Variants in LYZL4 observed in about 807,000 individuals in gnomAD.
LYZL4 encodes the protein lysozyme-like protein 4.
LYZL4 carries 13 observed loss-of-function variants against 17.6 expected under a neutral mutation model. The ratio of observed to expected loss-of-function variants is 0.74; its 90% CI spans 0.48 to 1.18. LYZL4 has a LOEUF of 1.18. LYZL4 is among the 50% of genes most tolerant of loss of function. The pLI is 0.00. For synonymous variants in LYZL4, 64 were observed against 67.7 expected (o/e 0.95, Z 0.27); for missense variants, 174 against 188.2 (o/e 0.92, Z 0.44).
chr3:42,369,690 C>T, the LYZL4 span, among the ~76,000 whole-genome samples: 21 of 152,244 alleles, frequency 1.4e-4, 1 homozygote, highest in Middle Eastern at 3.4e-3. Flanking sequence ...GCTCCCCATC[C>T]GGAGGGGCAA....
chr3:42,398,257 C>A (rs990230897), intron 4 of LYZL4, among the ~76,000 whole-genome samples: 1 of 152,188 alleles, frequency 6.6e-6, no homozygotes, highest in Non-Finnish European at 1.5e-5. Context: ...GCTGACCAAC[C>A]GAGCTTTGGA....
chr3:42,407,392 A>C (rs1698778515), intron 1 of LYZL4, 49 bp from the exon 2 acceptor site: 4 of 1,080,670 alleles, frequency 3.7e-6, no homozygotes, highest in Non-Finnish European at 4.0e-6. Flanking sequence ...GAAAAATGGG[A>C]GTCTCACCTG....
chr3:42,363,190 A>G, the LYZL4 span, among the ~76,000 whole-genome samples: 12 of 152,202 alleles, frequency 7.9e-5, no homozygotes, highest in Admixed American at 5.2e-4. Flanking sequence ...ATAAATAGAC[A>G]TAACCATTGT....
At chr3:42,403,177 C>A (rs1019352287) in intron 4 of LYZL4, among the ~76,000 whole-genome samples, 6 of 151,244 alleles carry the variant, frequency 4.0e-5, no homozygotes, top group African/African-American at 1.5e-4. Flanking sequence ...AATTACAAAA[C>A]AATAGTAATA....
At chr3:42,403,991 T>G in intron 4 of LYZL4, 55 bp downstream of exon 4, 2 of 1,268,752 alleles carry the variant, frequency 1.6e-6, no homozygotes, top group Non-Finnish European at 2.3e-6. Flanking sequence ...AGATTCAGAT[T>G]AGAGATCATG....
At chr3:42,392,594 C>T (rs1327599185), downstream of LYZL4, among the ~76,000 whole-genome samples, 1 of 152,134 alleles carries the variant, frequency 6.6e-6, no homozygotes, top group African/African-American at 2.4e-5. Flanking sequence ...CAGGATTGGG[C>T]AGCCAGGTGA....
chr3:42,402,241 G>A (rs1577153930), intron 4 of LYZL4, among the ~76,000 whole-genome samples: 1 of 151,242 alleles, frequency 6.6e-6, no homozygotes, highest in East Asian at 1.9e-4. Context: ...AGGAGTTCCA[G>A]GCTACAGTGA....
At chr3:42,400,716 C>T (rs766419878) in intron 4 of LYZL4, among the ~76,000 whole-genome samples, 2 of 152,036 alleles carry the variant, frequency 1.3e-5, no homozygotes, top group Non-Finnish European at 2.9e-5. Context: ...GACACTCTTT[C>T]TAGATCTATC....
rs183277265 is a variant in LYZL4 at position 42,405,159 on chromosome 3, C to T, written c.293-1035G>A. 7.9e-3 allele frequency among the ~76,000 whole-genome samples: 1,207 copies of T among 152,286 alleles called. 14 individuals are homozygous for T. The highest frequency in any genetic ancestry group is 0.023 in the African/African-American group (936 of 41,558). On this transcript the variant is annotated intron_variant, in intron 3 of 4. Coordinates refer to ENST00000287748, the MANE Select transcript of LYZL4 (RefSeq NM_144634.4). ...CGCCTCCCAGGTTCACGCCATTCTC[C>T]TGCCTCAGCCTCCCGAGTAGCTGGG...
intron 4 of LYZL4, among the ~76,000 whole-genome samples, chr3:42,397,886 C>G (rs1698582676): frequency 6.6e-6 from 1 of 152,196 alleles, no homozygotes; most frequent in Non-Finnish European, 1.5e-5. Flanking sequence ...TGGTGCCTGT[C>G]AAAGTGATTC....
At chr3:42,367,775 C>T in the LYZL4 span, among the ~76,000 whole-genome samples, 1 of 152,122 alleles carries the variant, frequency 6.6e-6, no homozygotes, top group Non-Finnish European at 1.5e-5. Context: ...GTGCTCGGGA[C>T]AGGGTGAACT....
chr3:42,403,998 C>T (rs867401440), intron 4 of LYZL4, 48 bp downstream of exon 4: 1 of 1,311,794 alleles, frequency 7.6e-7, no homozygotes, highest in Middle Eastern at 1.8e-4. Context: ...GATTAGAGAT[C>T]ATGAGTGAAA....
At chr3:42,384,591 A>G in the LYZL4 span, among the ~76,000 whole-genome samples, 5 of 152,220 alleles carry the variant, frequency 3.3e-5, no homozygotes, top group Admixed American at 3.3e-4. Flanking sequence ...GGTTGAATGA[A>G]TGATAAGTAC....
At chr3:42,361,583 A>T in the LYZL4 span, among the ~76,000 whole-genome samples, 33 of 149,762 alleles carry the variant, frequency 2.2e-4, 1 homozygote, top group Non-Finnish European at 8.9e-5. Flanking sequence ...TTTTTTTTTT[A>T]GCTGGGTGTG....
chr3:42,397,813 A>T (rs1698581274), intron 4 of LYZL4, among the ~76,000 whole-genome samples: 2 of 152,024 alleles, frequency 1.3e-5, no homozygotes, highest in African/African-American at 4.8e-5. Context: ...ACCTTCCAAA[A>T]TTCCTTCCAA....
the LYZL4 span, among the ~76,000 whole-genome samples, chr3:42,370,955 C>T: frequency 1.1e-4 from 16 of 152,210 alleles, no homozygotes; most frequent in Non-Finnish European, 1.5e-5. Context: ...TAGGGAGCCT[C>T]GGCTGCATCC....
At chr3:42,406,763 A>C in intron 3 of LYZL4, 83 bp downstream of exon 3, 1 of 1,553,622 alleles carries the variant, frequency 6.4e-7, no homozygotes, top group East Asian at 2.3e-5. Flanking sequence ...AAACTTTGTA[A>C]ACTCTGGCCA....
the LYZL4 span, among the ~76,000 whole-genome samples, chr3:42,376,052 C>T: frequency 3.3e-5 from 5 of 152,156 alleles, no homozygotes; most frequent in Non-Finnish European, 5.9e-5. Context: ...CCTTCATGTG[C>T]CATCAAAACC....
At chr3:42,381,365 C>T in the LYZL4 span, among the ~76,000 whole-genome samples, 1 of 152,114 alleles carries the variant, frequency 6.6e-6, no homozygotes, top group East Asian at 1.9e-4. Context: ...AGAAAGTCAT[C>T]CCCTGCCCCC....
Sources: gnomAD v4.1 joint callset for allele counts (sites outside exome capture counted in the v4.1 genomes callset) on GRCh38, gnomAD v4.1.1 for gene constraint, MANE v1.5 for transcripts, NCBI Gene and HGNC (gene_info 2026-07-23, HGNC 2026-07-21) for gene names.